Variants in ZNF521 observed in about 807,000 individuals in gnomAD.
ZNF521 encodes the protein LYST-interacting protein 3.
Under a neutral mutation model 105.5 loss-of-function variants are expected in ZNF521, and 14 were observed. The ratio of observed to expected loss-of-function variants is 0.13; its 90% CI spans 0.09 to 0.21. The LOEUF is 0.21. Ranked by LOEUF, ZNF521 falls within the 10% of genes least tolerant of loss-of-function variation. The pLI is 1.00. For synonymous variants in ZNF521, 635 were observed against 606.0 expected (o/e 1.05, Z -0.70); for missense variants, 1,233 against 1,629.7 (o/e 0.76, Z 4.19).
chr18:25,343,053 G>T (rs1391705598), intron 2 of ZNF521, among the ~76,000 whole-genome samples: 1 of 152,156 alleles, frequency 6.6e-6, no homozygotes, highest in Non-Finnish European at 1.5e-5. Flanking sequence ...TTTACTGTGT[G>T]GACTGTTCAC....
intron 5 of ZNF521, among the ~76,000 whole-genome samples, chr18:25,125,692 T>C (rs753016991): frequency 4.0e-5 from 6 of 150,740 alleles, no homozygotes; most frequent in Admixed American, 1.3e-4. Context: ...TCTAGGGAAT[T>C]TCTCCAGGAT....
chr18:25,122,308 T>C (rs1438837030), intron 5 of ZNF521, among the ~76,000 whole-genome samples: 1 of 152,164 alleles, frequency 6.6e-6, no homozygotes, highest in African/African-American at 2.4e-5. Flanking sequence ...CAATTTCAAG[T>C]GGCTAATATA....
At chr18:25,198,105 T>C (rs1296327898) in intron 4 of ZNF521, among the ~76,000 whole-genome samples, 2 of 151,926 alleles carry the variant, frequency 1.3e-5, no homozygotes, top group Non-Finnish European at 2.9e-5. Context: ...AATGCTAATT[T>C]AGTACATTTT....
At chr18:25,170,360 T>C (rs1426948601) in intron 5 of ZNF521, among the ~76,000 whole-genome samples, 1 of 152,118 alleles carries the variant, frequency 6.6e-6, no homozygotes. Flanking sequence ...AATTGCACTG[T>C]GCTTGGCAAT....
chr18:25,348,746 G>A (rs1397975400), intron 2 of ZNF521, among the ~76,000 whole-genome samples: 1 of 152,086 alleles, frequency 6.6e-6, no homozygotes, highest in Non-Finnish European at 1.5e-5. Context: ...GCAACATGAC[G>A]ATAAAAGAAT....
rs183721541 is a variant in ZNF521, at chr18:25,127,250, A to G, written c.3659-35169T>C. Among the ~76,000 whole-genome samples the G allele has an allele frequency of 3.4e-3, 513 of 152,178 alleles. 3 individuals carry two copies. The highest frequency in any genetic ancestry group is 0.012 in the African/African-American group (491 of 41,544). ...TGTTGAAGGTCCTGAACTTTAAAAT[A>G]GGGGATTTAGATTTTGATCTGTAGG... On this transcript the variant is annotated intron_variant, in intron 5 of 7. Coordinates refer to ENST00000361524, the MANE Select transcript of ZNF521 (RefSeq NM_015461.3).
At chr18:25,141,508 T>TA (rs2034847391) in intron 5 of ZNF521, among the ~76,000 whole-genome samples, 1 of 152,220 alleles carries the variant, frequency 6.6e-6, no homozygotes, top group South Asian at 2.1e-4. Context: ...TTAGTGGTTC[T>TA]ACATGTAAAG....
At chr18:25,199,605 T>C (rs996765977) in intron 4 of ZNF521, among the ~76,000 whole-genome samples, 6 of 151,976 alleles carry the variant, frequency 3.9e-5, no homozygotes, top group Non-Finnish European at 7.4e-5. Context: ...AAAAAACATA[T>C]ATAATCATAT....
chr18:25,314,736 T>A (rs1407472969), intron 3 of ZNF521, among the ~76,000 whole-genome samples: 1 of 152,148 alleles, frequency 6.6e-6, no homozygotes, highest in Non-Finnish European at 1.5e-5. Context: ...TGCTATTTAG[T>A]TTTTTCTGCG....
intron 5 of ZNF521, among the ~76,000 whole-genome samples, chr18:25,146,991 G>A (rs551918474): frequency 6.6e-6 from 1 of 152,184 alleles, no homozygotes; most frequent in African/African-American, 2.4e-5. Context: ...TGATTACATA[G>A]GCATCAGATA....
intron 3 of ZNF521, among the ~76,000 whole-genome samples, chr18:25,244,282 G>GCA (rs57083520): frequency 0.09 from 13,294 of 147,312 alleles, 643 homozygotes; most frequent in African/African-American, 0.14. Context: ...GTATGCATGT[G>GCA]CACACACACA....
chr18:25,124,758 T>G (rs2034507464), intron 5 of ZNF521, among the ~76,000 whole-genome samples: 1 of 152,214 alleles, frequency 6.6e-6, no homozygotes, highest in African/African-American at 2.4e-5. Flanking sequence ...AGAGATATTT[T>G]GTTCCAAACA....
chr18:25,350,324 C>A (rs1247772435), intron 2 of ZNF521, among the ~76,000 whole-genome samples: 1 of 151,596 alleles, frequency 6.6e-6, no homozygotes, highest in African/African-American at 2.4e-5. Flanking sequence ...GGGTCCGGTG[C>A]CCGCGGCCGG....
At chr18:25,138,553 GAAGA>G (rs1251252059) in intron 5 of ZNF521, among the ~76,000 whole-genome samples, 16 of 151,994 alleles carry the variant, frequency 1.1e-4, no homozygotes, top group Admixed American at 1.0e-3. Flanking sequence ...GGAAAAGCAG[GAAGA>G]AAGGAGCTGA....
chr18:25,212,230 G>A (rs1047214306), intron 4 of ZNF521, among the ~76,000 whole-genome samples: 4 of 151,694 alleles, frequency 2.6e-5, no homozygotes, highest in African/African-American at 9.7e-5. Context: ...ATATTTTAAT[G>A]GCCGGGCATG....
At chr18:25,288,039 C>T (rs562060105) in intron 3 of ZNF521, among the ~76,000 whole-genome samples, 1 of 151,554 alleles carries the variant, frequency 6.6e-6, no homozygotes, top group South Asian at 2.1e-4. Flanking sequence ...CTGAAAATGC[C>T]CCCCCAATAG....
At chr18:25,076,080 TC>T (rs1396213206) in intron 7 of ZNF521, among the ~76,000 whole-genome samples, 15 of 152,290 alleles carry the variant, frequency 9.8e-5, no homozygotes, top group African/African-American at 3.6e-4. Context: ...TCTTGAGAGA[TC>T]CCAGTAATGA....
At chr18:25,217,185 C>G (rs935881541) in intron 4 of ZNF521, among the ~76,000 whole-genome samples, 1 of 152,168 alleles carries the variant, frequency 6.6e-6, no homozygotes, top group Non-Finnish European at 1.5e-5. Flanking sequence ...ATTTACAGGT[C>G]TACGCTTCCA....
intron 5 of ZNF521, among the ~76,000 whole-genome samples, chr18:25,128,117 T>G (rs1408387475): frequency 6.6e-6 from 1 of 151,882 alleles, no homozygotes. Context: ...ATAAAACAAT[T>G]ATACCGTATG....
Sources: gnomAD v4.1 joint callset for allele counts (sites outside exome capture counted in the v4.1 genomes callset) on GRCh38, gnomAD v4.1.1 for gene constraint, MANE v1.5 for transcripts, NCBI Gene and HGNC (gene_info 2026-07-23, HGNC 2026-07-21) for gene names.